Variants in KHDRBS2 observed in about 807,000 individuals in gnomAD.
KHDRBS2 encodes the protein KH RNA binding domain containing, signal transduction associated 2.
A neutral mutation model predicts 44.3 loss-of-function variants in KHDRBS2; 26 were observed. The observed-to-expected ratio is 0.59, with a 90% CI of 0.43 to 0.81. The LOEUF is 0.81. Among genes scored for constraint, KHDRBS2 ranks in the 40% least tolerant of loss-of-function variants. The pLI is 0.00. For synonymous variants in KHDRBS2, 194 were observed against 151.1 expected, an observed-to-expected ratio of 1.28 and a Z score of -2.08; for missense variants, 476 against 433.1, an observed-to-expected ratio of 1.10 and a Z score of -0.88.
intron 2 of KHDRBS2, among the ~76,000 whole-genome samples, chr6:62,128,101 A>G (rs554036811): frequency 1.2e-4 from 18 of 152,228 alleles, no homozygotes; most frequent in African/African-American, 4.3e-4. Flanking sequence ...ATATTTACAA[A>G]TCTTTCTCAT....
chr6:61,747,500 T>C (rs1456808073), intron 6 of KHDRBS2, among the ~76,000 whole-genome samples: 9 of 152,312 alleles, frequency 5.9e-5, no homozygotes, highest in Admixed American at 1.3e-4. Flanking sequence ...ATCACTTACA[T>C]TGATAAATGT....
the KHDRBS2 span, among the ~76,000 whole-genome samples, chr6:61,561,350 C>T: frequency 6.6e-6 from 1 of 152,104 alleles, no homozygotes; most frequent in Non-Finnish European, 1.5e-5. Context: ...TTACCCAAAG[C>T]CCACTGTATC....
At chr6:62,107,099 T>C (rs1289762169) in intron 2 of KHDRBS2, among the ~76,000 whole-genome samples, 19 of 151,364 alleles carry the variant, frequency 1.3e-4, no homozygotes, top group African/African-American at 4.4e-4. Context: ...CCAGGGCAAT[T>C]AGGCAGGAGA....
intron 6 of KHDRBS2, among the ~76,000 whole-genome samples, chr6:61,747,555 TAAATTATGCATGACA>T (rs1235059695): frequency 2.0e-5 from 3 of 151,848 alleles, no homozygotes; most frequent in African/African-American, 7.3e-5. Context: ...CACTTTCTAG[TAAATTATGCATGACA>T]AATGCATATC....
intron 1 of KHDRBS2, among the ~76,000 whole-genome samples, chr6:62,198,370 T>A (rs187477035): frequency 9.9e-5 from 15 of 150,844 alleles, no homozygotes; most frequent in African/African-American, 3.7e-4. Flanking sequence ...GAGAGAAGAA[T>A]CAAATAGACA....
chr6:62,092,161 C>T (rs1799611402), intron 2 of KHDRBS2, among the ~76,000 whole-genome samples: 4 of 151,904 alleles, frequency 2.6e-5, no homozygotes. Context: ...CAGCTCTCTA[C>T]CATTTCCAGC....
intron 6 of KHDRBS2, among the ~76,000 whole-genome samples, chr6:61,771,678 T>C (rs912934522): frequency 4.6e-4 from 70 of 152,294 alleles, no homozygotes; most frequent in Non-Finnish European, 8.4e-4. Flanking sequence ...AGCACCCAGA[T>C]TCATAAAGCA....
chr6:61,547,548 T>C, the KHDRBS2 span, among the ~76,000 whole-genome samples: 2 of 152,162 alleles, frequency 1.3e-5, no homozygotes, highest in African/African-American at 2.4e-5. Context: ...AAGATACTCC[T>C]GTTACTGTGT....
intron 1 of KHDRBS2, among the ~76,000 whole-genome samples, chr6:62,239,424 T>A (rs898045102): frequency 6.6e-6 from 1 of 151,744 alleles, no homozygotes; most frequent in Admixed American, 6.6e-5. Flanking sequence ...AATACAAAAA[T>A]TAACTGGGAG....
At chr6:62,070,660 G>A (rs1278483931) in intron 2 of KHDRBS2, among the ~76,000 whole-genome samples, 2 of 152,094 alleles carry the variant, frequency 1.3e-5, no homozygotes, top group Non-Finnish European at 2.9e-5. Flanking sequence ...CCCTACAAAG[G>A]ACATGAACTC....
At chr6:61,628,022 G>T in the KHDRBS2 span, among the ~76,000 whole-genome samples, 1 of 151,862 alleles carries the variant, frequency 6.6e-6, no homozygotes, top group Non-Finnish European at 1.5e-5. Flanking sequence ...GACCTAACTT[G>T]GTTTGTTAGT....
intron 7 of KHDRBS2, among the ~76,000 whole-genome samples, chr6:61,698,840 T>C (rs1768225351): frequency 6.6e-6 from 1 of 152,048 alleles, no homozygotes; most frequent in Admixed American, 6.6e-5. Context: ...ACAGGCTTTC[T>C]CTAAATGTCC....
rs915516688 is a variant in KHDRBS2 at position 61,723,320 on chromosome 6, G to A, written c.893+9362C>T. ...AATGCTGAAAACTCAAAAAGCCAGA[G>A]AGCCTCTTCTCCAAATGACCACAAC... On this transcript the variant is annotated intron_variant, in intron 7 of 8. Transcript: ENST00000281156. Among the ~76,000 whole-genome samples, 13 of 152,086 alleles carry A rather than the reference G, an allele frequency of 8.5e-5. No individual in the cohort carries two copies. The East Asian group carries it at 9.7e-4, about 11-fold the overall frequency.
Position 61,770,984 on chromosome 6 carries a change from T to A in KHDRBS2, c.811-38220A>T, listed in dbSNP as rs577379159. ...GGAAGCCCATCAGACTAACAGCGGA[T>A]CTCTTGGCAGAAACTCTACAAGCCA... On this transcript the variant is annotated intron_variant, in intron 6 of 8. Coordinates refer to ENST00000281156, the MANE Select transcript of KHDRBS2 (RefSeq NM_152688.4). Among the ~76,000 whole-genome samples the A allele has an allele frequency of 3.7e-3, 559 of 152,244 alleles. 4 individuals are homozygous for A. Among genetic ancestry groups the A allele is most frequent in the Non-Finnish European group, 6.2e-3 (423 of 68,008 alleles).
intron 6 of KHDRBS2, among the ~76,000 whole-genome samples, chr6:61,807,735 TG>T (rs1255669063): frequency 1.3e-5 from 2 of 152,102 alleles, no homozygotes; most frequent in Non-Finnish European, 2.9e-5. Context: ...ACTTATTAAC[TG>T]GGTGACTAAA....
At chr6:62,133,068 C>T (rs865795103) in intron 2 of KHDRBS2, among the ~76,000 whole-genome samples, 13 of 152,030 alleles carry the variant, frequency 8.6e-5, no homozygotes, top group South Asian at 2.1e-4. Context: ...CATATACAAA[C>T]GGGCTTTTTT....
chr6:62,069,149 T>A (rs550811871), intron 2 of KHDRBS2, among the ~76,000 whole-genome samples: 28 of 151,726 alleles, frequency 1.8e-4, no homozygotes, highest in Non-Finnish European at 5.9e-5. Context: ...CATATAACTT[T>A]GGAGTCCTCA....
intron 2 of KHDRBS2, among the ~76,000 whole-genome samples, chr6:62,143,207 C>T (rs970506081): frequency 6.6e-6 from 1 of 151,800 alleles, no homozygotes; most frequent in African/African-American, 2.4e-5. Flanking sequence ...TTATGCAATA[C>T]CAGTATGACA....
chr6:61,589,021 CACATGGACACAAGGAGGGTA>C, the KHDRBS2 span, among the ~76,000 whole-genome samples: 18 of 151,742 alleles, frequency 1.2e-4, no homozygotes, highest in African/African-American at 1.7e-4. Context: ...ACAATGAGAA[CACATGGACACAAGGAGGGTA>C]ACATCACACA....
Sources: gnomAD v4.1 joint callset for allele counts (sites outside exome capture counted in the v4.1 genomes callset) on GRCh38, gnomAD v4.1.1 for gene constraint, MANE v1.5 for transcripts, NCBI Gene and HGNC (gene_info 2026-07-23, HGNC 2026-07-21) for gene names.